The following ADGRB3 variants were observed in gnomAD, a reference collection of about 807,000 sequenced individuals.
ADGRB3 encodes adhesion G protein-coupled receptor B3.
ADGRB3 carries 37 observed loss-of-function variants against 193.4 expected under a neutral mutation model. The ratio of observed to expected loss-of-function variants is 0.19; its 90% CI spans 0.15 to 0.25. ADGRB3 has a LOEUF of 0.25. Among genes scored for constraint, ADGRB3 ranks in the 10% least tolerant of loss-of-function variants. The pLI is 1.00. For missense variants in ADGRB3, 1,637 were observed against 1,852.9 expected (o/e 0.88, Z 2.14); for synonymous variants, 690 against 644.2 (o/e 1.07, Z -1.08).
chr6:69,329,358 G>A (rs1768655680), intron 22 of ADGRB3, among the ~76,000 whole-genome samples: 1 of 152,076 alleles, frequency 6.6e-6, no homozygotes, highest in African/African-American at 2.4e-5. Context: ...CTAAATGCAG[G>A]CTTTGAATAT....
At chr6:69,086,802 T>G (rs959178986) in intron 17 of ADGRB3, among the ~76,000 whole-genome samples, 1 of 152,164 alleles carries the variant, frequency 6.6e-6, no homozygotes, top group African/African-American at 2.4e-5. Flanking sequence ...AATGTGGTAT[T>G]ATTAGTTTAA....
chr6:68,692,720 G>T (rs2127303198), intron 3 of ADGRB3, among the ~76,000 whole-genome samples: 1 of 151,554 alleles, frequency 6.6e-6, no homozygotes, highest in South Asian at 2.1e-4. Flanking sequence ...TAGCATTAAT[G>T]TTGTACAAGT....
intron 20 of ADGRB3, among the ~76,000 whole-genome samples, chr6:69,257,151 G>T (rs1766796231): frequency 6.6e-6 from 1 of 152,088 alleles, no homozygotes; most frequent in Non-Finnish European, 1.5e-5. Flanking sequence ...CAAGGATATT[G>T]GTCTAAAATG....
chr6:68,786,794 T>C (rs1380268085), intron 3 of ADGRB3, among the ~76,000 whole-genome samples: 2 of 151,268 alleles, frequency 1.3e-5, no homozygotes, highest in South Asian at 2.1e-4. Context: ...GAGCATGGAA[T>C]TTTCTTCCAT....
chr6:68,887,214 C>A (rs959952584), intron 3 of ADGRB3, among the ~76,000 whole-genome samples: 4 of 151,984 alleles, frequency 2.6e-5, no homozygotes, highest in South Asian at 2.1e-4. Flanking sequence ...TATATAGTTC[C>A]ATTTTTTCTC....
chr6:69,303,580 T>C (rs1368493420), intron 20 of ADGRB3, among the ~76,000 whole-genome samples: 1 of 151,926 alleles, frequency 6.6e-6, no homozygotes, highest in Non-Finnish European at 1.5e-5. Context: ...TTCCCGCACA[T>C]TCAGCAATTT....
intron 3 of ADGRB3, among the ~76,000 whole-genome samples, chr6:68,755,462 T>C (rs779576246): frequency 6.6e-6 from 1 of 152,142 alleles, no homozygotes; most frequent in Non-Finnish European, 1.5e-5. Flanking sequence ...ATGAGCGTGC[T>C]CACAATCAAT....
chr6:69,044,559 A>C (rs1189956100), intron 13 of ADGRB3, among the ~76,000 whole-genome samples: 1 of 152,240 alleles, frequency 6.6e-6, no homozygotes, highest in African/African-American at 2.4e-5. Context: ...GATGAACAAA[A>C]ATCTATACTG....
intron 3 of ADGRB3, among the ~76,000 whole-genome samples, chr6:68,882,629 T>C (rs2061218348): frequency 6.6e-6 from 1 of 152,208 alleles, no homozygotes; most frequent in African/African-American, 2.4e-5. Context: ...ATTTTCTTTT[T>C]TGTAGTGGCT....
At chr6:69,199,335 A>G (rs1217720024) in intron 17 of ADGRB3, among the ~76,000 whole-genome samples, 1 of 152,096 alleles carries the variant, frequency 6.6e-6, no homozygotes. Context: ...TTTTGAAGTC[A>G]CCTGGGTGAC....
rs1328736741 is a variant in ADGRB3 at position 68,815,263 on chromosome 6, AC to A, written c.758-115294del. ...ATAAGAATTTAAACTGCAGTTCTAA[AC>A]CTTTTCCTTTGTTTATAGTACTCAC... On this transcript the variant is annotated intron_variant, in intron 3 of 31. Coordinates refer to ENST00000370598, the MANE Select transcript of ADGRB3 (RefSeq NM_001704.3). Among the ~76,000 whole-genome samples the A allele has an allele frequency of 3.3e-5, 5 of 152,208 alleles. No homozygotes were observed. The East Asian group carries it at 9.7e-4, about 29-fold the overall frequency.
At chr6:69,026,696 G>C (rs1248631672) in intron 13 of ADGRB3, among the ~76,000 whole-genome samples, 1 of 152,158 alleles carries the variant, frequency 6.6e-6, no homozygotes, top group Admixed American at 6.5e-5. Context: ...TACACGTCTA[G>C]GCTACAGGGT....
At chr6:69,335,742 T>C (rs1768831474) in intron 24 of ADGRB3, among the ~76,000 whole-genome samples, 2 of 152,008 alleles carry the variant, frequency 1.3e-5, no homozygotes, top group African/African-American at 4.8e-5. Flanking sequence ...TGACAACCAA[T>C]CCTCCTAATT....
chr6:69,220,545 GA>G (rs1230880741), intron 17 of ADGRB3, among the ~76,000 whole-genome samples: 3 of 152,088 alleles, frequency 2.0e-5, no homozygotes, highest in Non-Finnish European at 2.9e-5. Context: ...GTAGCAGGCT[GA>G]AACTGTGGCC....
At chr6:69,057,071 A>T (rs539455703) in intron 15 of ADGRB3, among the ~76,000 whole-genome samples, 1 of 151,566 alleles carries the variant, frequency 6.6e-6, no homozygotes, top group East Asian at 1.9e-4. Flanking sequence ...CTCTTCCTTC[A>T]TTTTTTTCAG....
At chr6:69,282,855 G>A (rs1294484366) in intron 20 of ADGRB3, among the ~76,000 whole-genome samples, 1 of 152,158 alleles carries the variant, frequency 6.6e-6, no homozygotes, top group Admixed American at 6.5e-5. Flanking sequence ...TAGAAAGACA[G>A]TCATGTTATC....
At chr6:69,337,729 C>A (rs1236483355) in intron 24 of ADGRB3, among the ~76,000 whole-genome samples, 1 of 152,160 alleles carries the variant, frequency 6.6e-6, no homozygotes, top group African/African-American at 2.4e-5. Context: ...GCTGATCAAT[C>A]TACTTAATTA....
At chr6:69,343,392 A>G (rs1475632722) in intron 26 of ADGRB3, among the ~76,000 whole-genome samples, 2 of 128,702 alleles carry the variant, frequency 1.6e-5, no homozygotes, top group Non-Finnish European at 3.1e-5. Context: ...TGTCCATGTG[A>G]TCTCATTGTT....
intron 13 of ADGRB3, among the ~76,000 whole-genome samples, chr6:69,021,704 A>G (rs1251318410): frequency 6.6e-6 from 1 of 151,952 alleles, no homozygotes; most frequent in Non-Finnish European, 1.5e-5. Context: ...GAGTTCCTAG[A>G]ATCTGATTAA....
Sources: gnomAD v4.1 joint callset for allele counts (sites outside exome capture counted in the v4.1 genomes callset) on GRCh38, gnomAD v4.1.1 for gene constraint, MANE v1.5 for transcripts, NCBI Gene and HGNC (gene_info 2026-07-23, HGNC 2026-07-21) for gene names.